FRMD3: variants seen among roughly 807,000 people sequenced by gnomAD.
FRMD3 encodes the protein FERM domain containing 3.
In FRMD3, 33 loss-of-function variants were observed where a neutral mutation model predicts 70.2. That is an observed-to-expected ratio of 0.47 (90% CI 0.36 to 0.63). The LOEUF (loss-of-function observed/expected upper bound fraction) is 0.63. Ranked by LOEUF, FRMD3 falls within the 20% of genes least tolerant of loss-of-function variation. The pLI, the probability that FRMD3 is intolerant of heterozygous loss-of-function variation, is 0.00. For missense variants in FRMD3, 632 were observed against 711.4 expected (o/e 0.89, Z 1.27); for synonymous variants, 279 against 255.9 (o/e 1.09, Z -0.86).
chr9:83,387,486 C>G (rs1438335228), intron 2 of FRMD3, among the ~76,000 whole-genome samples: 2 of 152,164 alleles, frequency 1.3e-5, no homozygotes, highest in East Asian at 3.9e-4. Context: ...ACTCATGGTA[C>G]ATGATAGATG....
rs538943914 is a variant in FRMD3 at position 83,354,644 on chromosome 9, A to G, written c.296-4887T>C. On this transcript the variant is annotated intron_variant, in intron 3 of 13. Coordinates refer to ENST00000304195, the MANE Select transcript of FRMD3 (RefSeq NM_174938.6). ...ATAAACCTGTGCATGTAAACCCTGAATCTAAAATAAAAGTTAAAAAGAAAT... is the reference window on the plus strand; with the variant it reads ...ATAAACCTGTGCATGTAAACCCTGAGTCTAAAATAAAAGTTAAAAAGAAAT... Among the ~76,000 whole-genome samples, 7 of 152,328 alleles carry G rather than the reference A, an allele frequency of 4.6e-5. No individual in the cohort carries two copies. In the South Asian group the frequency reaches 1.2e-3, roughly 27 times the overall value.
chr9:83,546,922 A>T, the FRMD3 span, among the ~76,000 whole-genome samples: 1 of 146,806 alleles, frequency 6.8e-6, no homozygotes, highest in East Asian at 2.0e-4. Flanking sequence ...GATTGGTGAA[A>T]TGGATTTTTG....
At chr9:83,561,329 C>A in the FRMD3 span, among the ~76,000 whole-genome samples, 1 of 152,096 alleles carries the variant, frequency 6.6e-6, no homozygotes, top group South Asian at 2.1e-4. Context: ...TTCCAGACAC[C>A]ACTGAGCCTC....
chr9:83,559,797 C>A, the FRMD3 span, among the ~76,000 whole-genome samples: 72 of 151,834 alleles, frequency 4.7e-4, no homozygotes, highest in Non-Finnish European at 1.6e-4. Flanking sequence ...TAAATTATAC[C>A]TCAATAAAAT....
chr9:83,292,536 T>C (rs992535844), intron 12 of FRMD3, among the ~76,000 whole-genome samples: 3 of 152,242 alleles, frequency 2.0e-5, no homozygotes, highest in Non-Finnish European at 4.4e-5. Context: ...TAATGTCTTA[T>C]GGAACAATAG....
In FRMD3 at chr9:83,245,877, A is replaced by C. The variant is rs1191925456; in HGVS notation, c.*2041T>G. ...CAAACCTAGCCATCTGCAAGCTTCC[A>C]AAATAAATTGTTGAGGATTCCAATC... On this transcript the variant is annotated 3_prime_UTR_variant, in exon 14 of 14. Transcript: ENST00000304195. The C allele has an allele frequency of 1.4e-5, 14 of 984,842 alleles. No homozygotes were observed. Among genetic ancestry groups the C allele is most frequent in the African/African-American group, 1.7e-5 (1 of 57,228 alleles). The allele number at this position is 984,842 out of a possible 1,614,324, so 61.0% of individuals were successfully genotyped here.
the FRMD3 span, among the ~76,000 whole-genome samples, chr9:83,564,283 C>T: frequency 1.3e-5 from 2 of 152,138 alleles, no homozygotes; most frequent in Admixed American, 6.5e-5. Flanking sequence ...ACTATCTCCA[C>T]TTACTGCCTA....
At chr9:83,363,518 T>C (rs1174587948) in intron 3 of FRMD3, among the ~76,000 whole-genome samples, 1 of 151,846 alleles carries the variant, frequency 6.6e-6, no homozygotes, top group Non-Finnish European at 1.5e-5. Flanking sequence ...TAGATAGATT[T>C]GTAGAAATTG....
chr9:83,346,673 CAAAAT>C (rs961283440), intron 4 of FRMD3, among the ~76,000 whole-genome samples: 7 of 152,280 alleles, frequency 4.6e-5, no homozygotes, highest in South Asian at 2.1e-4. Context: ...CAATATCTGT[CAAAAT>C]AAACTATTTT....
chr9:83,339,085 C>G (rs1233153389), intron 5 of FRMD3, among the ~76,000 whole-genome samples: 1 of 152,080 alleles, frequency 6.6e-6, no homozygotes, highest in African/African-American at 2.4e-5. Flanking sequence ...GGGAGGGCAT[C>G]GTTTTTCAGG....
chr9:83,504,243 C>T (rs1829134570), intron 1 of FRMD3, among the ~76,000 whole-genome samples: 1 of 152,138 alleles, frequency 6.6e-6, no homozygotes, highest in Admixed American at 6.5e-5. Context: ...TTCAAGTGGT[C>T]TTGGGCTTCC....
intron 4 of FRMD3, among the ~76,000 whole-genome samples, chr9:83,347,427 C>T (rs538544333): frequency 6.6e-6 from 1 of 152,282 alleles, no homozygotes; most frequent in East Asian, 1.9e-4. Context: ...AATAAAATTG[C>T]ATCTCTACAT....
intron 6 of FRMD3, among the ~76,000 whole-genome samples, chr9:83,315,019 C>T (rs1047224847): frequency 2.0e-5 from 3 of 152,124 alleles, no homozygotes; most frequent in Admixed American, 6.5e-5. Flanking sequence ...TATTCTTCAG[C>T]TGTGCACATT....
At position 83,473,841 on chromosome 9, in the gene FRMD3, G is replaced by C. The variant is rs576098475; in HGVS notation, c.147+64244C>G. Among the ~76,000 whole-genome samples, 17 of 152,334 alleles carry C rather than the reference G, an allele frequency of 1.1e-4. No individual in the cohort carries two copies. The East Asian group carries it at 2.9e-3, about 26-fold the overall frequency. Reference sequence around the variant, plus strand: ...TCAAGTTCCAGGCTCATTACTGGCAGAGAAGGAAGCAGGAAAATAAATAAA... The same window carrying C: ...TCAAGTTCCAGGCTCATTACTGGCACAGAAGGAAGCAGGAAAATAAATAAA... On this transcript the variant is annotated intron_variant, in intron 1 of 13. Coordinates refer to ENST00000304195, the MANE Select transcript of FRMD3 (RefSeq NM_174938.6).
chr9:83,436,502 A>C (rs1423862432), intron 1 of FRMD3, among the ~76,000 whole-genome samples: 1 of 134,082 alleles, frequency 7.5e-6, no homozygotes, highest in Non-Finnish European at 1.6e-5. Flanking sequence ...CTGCATGCAC[A>C]AGAGATCAAC....
In FRMD3 at chr9:83,420,171, C is replaced by T. The variant is rs938192715; in HGVS notation, c.148-30463G>A. Among the ~76,000 whole-genome samples the T allele has an allele frequency of 2.0e-4, 31 of 152,324 alleles. 1 individual carries two copies. Among genetic ancestry groups the T allele is most frequent in the Middle Eastern group, 3.4e-3 (1 of 294 alleles). On this transcript the variant is annotated intron_variant, in intron 1 of 13. Transcript: ENST00000304195. ...GTGCTCTGTTACCCTGTAAACTCTA[C>T]TGCAGAAACGGGATTCTAGCAGGCA...
At chr9:83,273,571 A>G (rs936884853) in intron 13 of FRMD3, among the ~76,000 whole-genome samples, 4 of 146,016 alleles carry the variant, frequency 2.7e-5, no homozygotes, top group Middle Eastern at 3.3e-3. Context: ...TCCCTCCACT[A>G]TTGTCCTATG....
At chr9:83,339,547 T>C (rs1823688674) in intron 5 of FRMD3, among the ~76,000 whole-genome samples, 1 of 152,154 alleles carries the variant, frequency 6.6e-6, no homozygotes. Flanking sequence ...AGCAACAGGC[T>C]TTCCCCTGGT....
At chr9:83,379,035 G>A (rs947840991) in intron 2 of FRMD3, among the ~76,000 whole-genome samples, 1 of 151,328 alleles carries the variant, frequency 6.6e-6, no homozygotes, top group African/African-American at 2.4e-5. Context: ...GCCTGACTTT[G>A]TCCTTCTCTT....
Sources: allele counts gnomAD v4.1 joint callset (sites outside exome capture counted in the v4.1 genomes callset), GRCh38; gene constraint gnomAD v4.1.1; transcripts MANE v1.5; gene names NCBI Gene and HGNC (gene_info 2026-07-23, HGNC 2026-07-21).